VRK2: variants seen among roughly 807,000 people sequenced by gnomAD.
The protein encoded by VRK2 is VRK serine/threonine kinase 2, also known as serine/threonine-protein kinase VRK2.
In VRK2, 60 loss-of-function variants were observed where a neutral mutation model predicts 57.6. That is an observed-to-expected ratio of 1.04 (90% CI 0.85 to 1.29). The LOEUF (loss-of-function observed/expected upper bound fraction) is 1.29, where lower values mean the gene tolerates loss of function less well. Among genes scored for constraint, VRK2 ranks in the 50% most tolerant of loss-of-function variants. The pLI is 0.00. For missense variants in VRK2, 705 were observed against 588.1 expected (o/e 1.20, Z -2.06); for synonymous variants, 231 against 199.2 (o/e 1.16, Z -1.35).
intron 3 of VRK2, among the ~76,000 whole-genome samples, chr2:58,039,634 G>C (rs925811053): frequency 4.6e-5 from 7 of 152,138 alleles, no homozygotes; most frequent in Non-Finnish European, 1.0e-4. Flanking sequence ...GATCATGACT[G>C]ATGACTGGAG....
upstream of VRK2, among the ~76,000 whole-genome samples, chr2:58,046,259 CAAAA>C (rs1226520127): frequency 6.6e-6 from 1 of 152,096 alleles, no homozygotes; most frequent in African/African-American, 2.4e-5. Context: ...ATTTCACAGA[CAAAA>C]AAACCTGAAG....
chr2:58,035,295 A>C (rs1309323431), intron 3 of VRK2, among the ~76,000 whole-genome samples: 1 of 152,034 alleles, frequency 6.6e-6, no homozygotes, highest in Non-Finnish European at 1.5e-5. Context: ...GGAGATAAAA[A>C]CCTGCTCTTA....
intron 11 of VRK2, 147 bp downstream of exon 11, chr2:58,139,979 G>A: frequency 7.4e-6 from 6 of 807,156 alleles, no homozygotes; most frequent in Non-Finnish European, 1.1e-5. Context: ...CACCAAGAAA[G>A]TTTGTTCCAA....
intron 4 of VRK2, 66 bp downstream of exon 4, chr2:58,085,016 T>C (rs1259642192): frequency 7.5e-6 from 11 of 1,459,982 alleles, no homozygotes; most frequent in Non-Finnish European, 9.1e-6. Context: ...GTTGATATTT[T>C]GGTCTTTTTC....
chr2:57,975,759 T>TC (rs1053862794), intron 1 of VRK2, among the ~76,000 whole-genome samples: 5 of 139,834 alleles, frequency 3.6e-5, no homozygotes, highest in African/African-American at 1.1e-4. Flanking sequence ...TCTCTCTCTC[T>TC]TTTTTTTTTT....
At chr2:57,977,245 T>C (rs932338327) in intron 1 of VRK2, among the ~76,000 whole-genome samples, 2 of 152,178 alleles carry the variant, frequency 1.3e-5, no homozygotes, top group East Asian at 3.8e-4. Flanking sequence ...TTTCTTCTAA[T>C]TCTGTGAAAA....
chr2:58,027,790 G>A (rs1673979428), intron 2 of VRK2, among the ~76,000 whole-genome samples: 1 of 152,114 alleles, frequency 6.6e-6, no homozygotes, highest in Non-Finnish European at 1.5e-5. Context: ...TCCAGCATGG[G>A]AGGCCAAAGA....
chr2:57,920,506 T>C (rs1670306420), intron 1 of VRK2, among the ~76,000 whole-genome samples: 1 of 152,238 alleles, frequency 6.6e-6, no homozygotes, highest in South Asian at 2.1e-4. Flanking sequence ...GAGACCTCAG[T>C]AGTAGGTGAT....
At chr2:58,125,810 A>G (rs1036617207) in intron 8 of VRK2, among the ~76,000 whole-genome samples, 6 of 152,198 alleles carry the variant, frequency 3.9e-5, no homozygotes, top group Admixed American at 2.0e-4. Context: ...ATATTTGCTG[A>G]CATTTTAATG....
At chr2:57,924,502 A>G (rs1421184278) in intron 1 of VRK2, among the ~76,000 whole-genome samples, 1 of 151,640 alleles carries the variant, frequency 6.6e-6, no homozygotes. Context: ...TAATTTCTTG[A>G]CTCCTTTCTC....
intron 2 of VRK2, 63 bp downstream of exon 2, chr2:58,049,030 G>A: frequency 1.3e-6 from 2 of 1,550,190 alleles, no homozygotes; most frequent in Non-Finnish European, 1.7e-6. Context: ...TGATTACTTA[G>A]TGGTATTTTA....
Position 58,084,894 on chromosome 2 carries a change from A to T in VRK2, c.200A>T (p.Asn67Ile). 6.3e-7 allele frequency: 1 copy of T among 1,578,762 alleles called. No individual in the cohort carries two copies. The highest frequency in any genetic ancestry group is 8.6e-7 in the Non-Finnish European group (1 of 1,163,060). The change falls in exon 4 of 13, where the codon AAT becomes ATT. Residue 67 changes from asparagine (N) to isoleucine (I), a missense_variant. Asn to Ile is a moderately radical substitution (Grantham distance 149, BLOSUM62 -3). Coordinates refer to ENST00000340157, the MANE Select transcript of VRK2 (RefSeq NM_006296.7). The part of the protein sequence containing the change: ...RHVVKVEYQE[N>I]GPLFSELKFY... Reference sequence around the variant, plus strand: ...TTTTTTTTATAGGAATATCAAGAAAATGGCCCGTTATTTTCAGAACTTAAA... The same window carrying T: ...TTTTTTTTATAGGAATATCAAGAAATTGGCCCGTTATTTTCAGAACTTAAA...
At chr2:57,956,596 T>C (rs955741408) in intron 1 of VRK2, among the ~76,000 whole-genome samples, 1 of 152,122 alleles carries the variant, frequency 6.6e-6, no homozygotes, top group Non-Finnish European at 1.5e-5. Flanking sequence ...ATATATTAAG[T>C]TTGGGGAATC....
intron 2 of VRK2, chr2:58,026,789 G>A (rs1449919780): frequency 6.6e-6 from 1 of 152,156 alleles, no homozygotes; most frequent in South Asian, 2.1e-4. Flanking sequence ...CATGGTCACA[G>A]CTCACTGAAG....
chr2:58,112,595 C>A (rs1463839129), intron 7 of VRK2, among the ~76,000 whole-genome samples: 1 of 150,052 alleles, frequency 6.7e-6, no homozygotes, highest in African/African-American at 2.5e-5. Flanking sequence ...AAAAGGCCTA[C>A]AAATTTATTA....
At chr2:57,919,049 A>G (rs1670249258) in intron 1 of VRK2, among the ~76,000 whole-genome samples, 1 of 152,140 alleles carries the variant, frequency 6.6e-6, no homozygotes. Flanking sequence ...TTTGCAAAGT[A>G]TAAAAATACT....
At chr2:58,128,681 G>T (rs1678726216) in intron 8 of VRK2, among the ~76,000 whole-genome samples, 1 of 152,054 alleles carries the variant, frequency 6.6e-6, no homozygotes, top group African/African-American at 2.4e-5. Context: ...GAAAGACTTG[G>T]ATTTCAGTGC....
At chr2:58,066,315 T>G (rs1400443765) in intron 2 of VRK2, among the ~76,000 whole-genome samples, 3 of 152,194 alleles carry the variant, frequency 2.0e-5, no homozygotes, top group African/African-American at 7.2e-5. Context: ...GTCAATTGCC[T>G]TTTCTACTTC....
intron 5 of VRK2, among the ~76,000 whole-genome samples, chr2:58,087,120 GTCATTTTATAT>G (rs1671746151): frequency 6.6e-6 from 1 of 152,046 alleles, no homozygotes; most frequent in Non-Finnish European, 1.5e-5. Flanking sequence ...AAAAAAGTGT[GTCATTTTATAT>G]TTACCCTTTT....
Sources: allele counts gnomAD v4.1 joint callset (sites outside exome capture counted in the v4.1 genomes callset), GRCh38; gene constraint gnomAD v4.1.1; transcripts MANE v1.5; gene names NCBI Gene and HGNC (gene_info 2026-07-23, HGNC 2026-07-21).